Variants in SLCO5A1 observed in about 807,000 individuals in gnomAD.
The protein encoded by SLCO5A1 is organic anion transporter polypeptide-related protein 4.
In SLCO5A1, 39 loss-of-function variants were observed where a neutral mutation model predicts 65.1. The observed-to-expected ratio is 0.60, with a 90% CI of 0.46 to 0.78. SLCO5A1 has a LOEUF of 0.78. Ranked by LOEUF, SLCO5A1 falls within the 30% of genes least tolerant of loss-of-function variation. The pLI, the probability that SLCO5A1 is intolerant of heterozygous loss-of-function variation, is 0.00. For missense variants in SLCO5A1, 1,029 were observed against 1,069.4 expected (o/e 0.96, Z 0.53); for synonymous variants, 438 against 415.7 (o/e 1.05, Z -0.65).
chr8:69,743,460 T>C (rs1816888873), intron 4 of SLCO5A1, among the ~76,000 whole-genome samples: 1 of 152,156 alleles, frequency 6.6e-6, no homozygotes, highest in Non-Finnish European at 1.5e-5. Flanking sequence ...CAAGCAATCC[T>C]CCCACATCAG....
At chr8:69,679,323 T>C in intron 8 of SLCO5A1, 55 bp downstream of exon 8, 3 of 1,604,250 alleles carry the variant, frequency 1.9e-6, no homozygotes, top group Non-Finnish European at 2.6e-6. Context: ...CTGGATTATG[T>C]GCTCTGGAAA....
At chr8:69,774,755 G>A (rs988640238) in intron 2 of SLCO5A1, among the ~76,000 whole-genome samples, 4 of 152,180 alleles carry the variant, frequency 2.6e-5, no homozygotes, top group Admixed American at 6.5e-5. Flanking sequence ...CTGGTGTGGG[G>A]CATAATGATA....
At chr8:69,808,486 A>G (rs560300608) in intron 2 of SLCO5A1, among the ~76,000 whole-genome samples, 4 of 152,304 alleles carry the variant, frequency 2.6e-5, no homozygotes, top group Non-Finnish European at 4.4e-5. Context: ...CGTTCCTGCA[A>G]AGGACATGAT....
At chr8:69,681,050 C>G (rs891087603) in intron 7 of SLCO5A1, among the ~76,000 whole-genome samples, 1 of 152,090 alleles carries the variant, frequency 6.6e-6, no homozygotes, top group Non-Finnish European at 1.5e-5. Flanking sequence ...ACCAAGAGAA[C>G]AGATCTCACC....
chr8:69,825,540 G>C (rs1820844067), intron 2 of SLCO5A1, among the ~76,000 whole-genome samples: 1 of 152,154 alleles, frequency 6.6e-6, no homozygotes, highest in Admixed American at 6.6e-5. Flanking sequence ...TTGCTTCAAA[G>C]AGAATAAAAT....
At chr8:69,742,349 A>G (rs1452992011) in intron 4 of SLCO5A1, among the ~76,000 whole-genome samples, 1 of 152,176 alleles carries the variant, frequency 6.6e-6, no homozygotes, top group African/African-American at 2.4e-5. Context: ...TAACTGTGTC[A>G]TTGTAAAACC....
At chr8:69,749,858 G>A (rs1817210460) in intron 4 of SLCO5A1, among the ~76,000 whole-genome samples, 1 of 152,088 alleles carries the variant, frequency 6.6e-6, no homozygotes, top group African/African-American at 2.4e-5. Flanking sequence ...GAACACTAAA[G>A]GCAGGATGGA....
At chr8:69,738,284 G>T in intron 4 of SLCO5A1, 80 bp from the exon 5 acceptor site, 1 of 1,358,106 alleles carries the variant, frequency 7.4e-7, no homozygotes, top group South Asian at 1.7e-5. Flanking sequence ...TTTTTGAAAT[G>T]AACTGGAAAT....
chr8:69,803,616 C>T (rs781361952), intron 2 of SLCO5A1, among the ~76,000 whole-genome samples: 1 of 152,192 alleles, frequency 6.6e-6, no homozygotes, highest in Admixed American at 6.5e-5. Context: ...AATGCAAATT[C>T]TCAGCTCCCC....
At chr8:69,745,841 T>A (rs561846370) in intron 4 of SLCO5A1, among the ~76,000 whole-genome samples, 1 of 152,338 alleles carries the variant, frequency 6.6e-6, no homozygotes, top group East Asian at 1.9e-4. Context: ...TTTCAAAATA[T>A]AAATACTTTC....
At chr8:69,717,967 A>G (rs1815633876) in intron 5 of SLCO5A1, among the ~76,000 whole-genome samples, 1 of 152,164 alleles carries the variant, frequency 6.6e-6, no homozygotes, top group African/African-American at 2.4e-5. Context: ...CTGCATTGTT[A>G]TTAACTATAG....
At chr8:69,726,777 A>G (rs1298726679) in intron 5 of SLCO5A1, among the ~76,000 whole-genome samples, 2 of 152,124 alleles carry the variant, frequency 1.3e-5, no homozygotes, top group Admixed American at 1.3e-4. Context: ...CTGGGATTAC[A>G]TGCATGAGCC....
At chr8:69,715,556 C>G (rs1483881091) in intron 5 of SLCO5A1, among the ~76,000 whole-genome samples, 3 of 152,114 alleles carry the variant, frequency 2.0e-5, no homozygotes, top group Non-Finnish European at 4.4e-5. Context: ...AACTGCAAAA[C>G]CCTGACAAAG....
rs1211940908 is a variant in SLCO5A1, at chr8:69,795,477, A to G, written c.908-33602T>C. ...CAGTCATTAAATCATAAGCTCCAAAAGAATCTCCTTTGACTCCAAGTCCCA... is the reference window on the plus strand; with the variant it reads ...CAGTCATTAAATCATAAGCTCCAAAGGAATCTCCTTTGACTCCAAGTCCCA... On this transcript the variant is annotated intron_variant, in intron 2 of 9. Coordinates refer to ENST00000260126, the MANE Select transcript of SLCO5A1 (RefSeq NM_030958.3). Among the ~76,000 whole-genome samples, 9 of 152,232 alleles carry G rather than the reference A, an allele frequency of 5.9e-5. No homozygotes were observed. The East Asian group carries it at 1.7e-3, about 29-fold the overall frequency.
chr8:69,687,031 C>G (rs561540562), intron 6 of SLCO5A1, among the ~76,000 whole-genome samples: 1 of 130,334 alleles, frequency 7.7e-6, no homozygotes, highest in South Asian at 2.9e-4. Context: ...ACATAACACG[C>G]GCTAAGATAT....
chr8:69,726,368 C>T (rs546217339), intron 5 of SLCO5A1, among the ~76,000 whole-genome samples: 1 of 152,236 alleles, frequency 6.6e-6, no homozygotes, highest in East Asian at 1.9e-4. Flanking sequence ...AGCTGATACA[C>T]GTTTAAAGCA....
intron 2 of SLCO5A1, among the ~76,000 whole-genome samples, chr8:69,816,466 C>A (rs1007614206): frequency 2.0e-5 from 3 of 152,062 alleles, no homozygotes; most frequent in Non-Finnish European, 4.4e-5. Context: ...AGCTGTGGGA[C>A]CCCCATCTCT....
chr8:69,782,889 G>A (rs1288084236), intron 2 of SLCO5A1, among the ~76,000 whole-genome samples: 1 of 152,156 alleles, frequency 6.6e-6, no homozygotes, highest in African/African-American at 2.4e-5. Flanking sequence ...TCATATTCAA[G>A]AGGTTCGTAA....
At chr8:69,802,017 TGAGA>T (rs1170030428) in intron 2 of SLCO5A1, among the ~76,000 whole-genome samples, 1 of 152,192 alleles carries the variant, frequency 6.6e-6, no homozygotes, top group African/African-American at 2.4e-5. Context: ...AGTTAGAGAA[TGAGA>T]GAGTAGGACT....
Sources: allele counts gnomAD v4.1 joint callset (sites outside exome capture counted in the v4.1 genomes callset), GRCh38; gene constraint gnomAD v4.1.1; transcripts MANE v1.5; gene names NCBI Gene and HGNC (gene_info 2026-07-23, HGNC 2026-07-21).